CDH18: variants seen among roughly 807,000 people sequenced by gnomAD.
CDH18 encodes cadherin-18.
In CDH18, 31 loss-of-function variants were observed where a neutral mutation model predicts 67.9. The observed-to-expected ratio is 0.46, with a 90% CI of 0.34 to 0.62. The LOEUF (loss-of-function observed/expected upper bound fraction) is 0.62, where lower values mean the gene tolerates loss of function less well. CDH18 is among the 20% of genes least tolerant of loss of function. CDH18 has a pLI of 0.01. For synonymous variants in CDH18, 362 were observed against 347.2 expected, an observed-to-expected ratio of 1.04 and a Z score of -0.48; for missense variants, 890 against 975.5, an observed-to-expected ratio of 0.91 and a Z score of 1.17.
chr5:19,661,657 C>T (rs1431014303), intron 5 of CDH18, among the ~76,000 whole-genome samples: 1 of 151,974 alleles, frequency 6.6e-6, no homozygotes, highest in Non-Finnish European at 1.5e-5. Context: ...ATGACCTGTT[C>T]TTTCTCTTTT....
chr5:19,814,576 G>A (rs1469683583), intron 3 of CDH18, among the ~76,000 whole-genome samples: 3 of 151,876 alleles, frequency 2.0e-5, no homozygotes, highest in Non-Finnish European at 4.4e-5. Flanking sequence ...CCAGGAGGGC[G>A]TTAAAACTTT....
intron 2 of CDH18, among the ~76,000 whole-genome samples, chr5:20,195,450 G>C (rs924625817): frequency 6.6e-6 from 1 of 151,862 alleles, no homozygotes; most frequent in African/African-American, 2.4e-5. Flanking sequence ...GCCTAAAAAG[G>C]TCTCAGAAAC....
At chr5:20,288,219 C>T (rs1288303097) in intron 1 of CDH18, among the ~76,000 whole-genome samples, 1 of 151,730 alleles carries the variant, frequency 6.6e-6, no homozygotes, top group African/African-American at 2.4e-5. Flanking sequence ...TGCACTGCAT[C>T]TTCTCAGATG....
At chr5:20,044,800 T>A (rs1740768020) in intron 2 of CDH18, among the ~76,000 whole-genome samples, 1 of 152,202 alleles carries the variant, frequency 6.6e-6, no homozygotes, top group Non-Finnish European at 1.5e-5. Flanking sequence ...TTTCCTTCAC[T>A]TTCCTCTTTA....
intron 2 of CDH18, among the ~76,000 whole-genome samples, chr5:19,839,855 G>T (rs1782076133): frequency 1.3e-5 from 2 of 151,990 alleles, no homozygotes; most frequent in African/African-American, 4.8e-5. Flanking sequence ...TACATTACTA[G>T]GCTTGATTTC....
chr5:19,514,586 C>T (rs1745651782), intron 10 of CDH18, among the ~76,000 whole-genome samples: 1 of 152,210 alleles, frequency 6.6e-6, no homozygotes, highest in African/African-American at 2.4e-5. Flanking sequence ...TTGCATTTCT[C>T]TGATGACCAG....
intron 1 of CDH18, among the ~76,000 whole-genome samples, chr5:20,494,694 G>A (rs1299112809): frequency 6.6e-6 from 1 of 152,102 alleles, no homozygotes; most frequent in African/African-American, 2.4e-5. Flanking sequence ...TTCTGTCTAG[G>A]ATAAACCAGA....
At chr5:19,662,124 TA>T (rs1757264562) in intron 5 of CDH18, among the ~76,000 whole-genome samples, 1 of 143,470 alleles carries the variant, frequency 7.0e-6, no homozygotes, top group Non-Finnish European at 1.5e-5. Flanking sequence ...ATTTTTTTTT[TA>T]CATTTTTTAA....
chr5:20,273,124 A>T (rs1745559458), intron 1 of CDH18, among the ~76,000 whole-genome samples: 1 of 152,062 alleles, frequency 6.6e-6, no homozygotes, highest in African/African-American at 2.4e-5. Flanking sequence ...TGAGTCTTGT[A>T]ATTTTAAGGT....
intron 2 of CDH18, among the ~76,000 whole-genome samples, chr5:20,194,777 A>G (rs982342040): frequency 1.3e-5 from 2 of 151,990 alleles, no homozygotes; most frequent in Non-Finnish European, 2.9e-5. Context: ...TGGGTTGCTA[A>G]GGAGGGATTT....
intron 2 of CDH18, among the ~76,000 whole-genome samples, chr5:20,130,389 C>T (rs1053504482): frequency 9.1e-6 from 1 of 110,198 alleles, no homozygotes; most frequent in African/African-American, 3.0e-5. Context: ...AGGTAGAGTT[C>T]TCTCTTCCTT....
chr5:19,935,795 A>ACTCTCTCTCTCTCT (rs70954623), intron 2 of CDH18, among the ~76,000 whole-genome samples: 3 of 117,310 alleles, frequency 2.6e-5, no homozygotes, highest in Non-Finnish European at 3.7e-5. Context: ...ACAGTCAGGA[A>ACTCTCTCTCTCTCT]CTCTCTCTCT....
At chr5:20,005,625 CAT>C (rs751770797) in intron 2 of CDH18, among the ~76,000 whole-genome samples, 2 of 151,522 alleles carry the variant, frequency 1.3e-5, no homozygotes, top group African/African-American at 4.8e-5. Flanking sequence ...CATACACACA[CAT>C]ATATATATAA....
intron 5 of CDH18, among the ~76,000 whole-genome samples, chr5:19,703,592 G>A (rs1763554759): frequency 6.6e-6 from 1 of 151,970 alleles, no homozygotes; most frequent in Non-Finnish European, 1.5e-5. Flanking sequence ...AAAAGTAGTT[G>A]CCCCAGTGAC....
rs769957729 is a variant in CDH18 at position 19,472,902 on chromosome 5, A to T, written c.*324T>A. 7 of 199,622 alleles carry T rather than the reference A, an allele frequency of 3.5e-5. No individual in the cohort carries two copies. Among genetic ancestry groups the T allele is most frequent in the African/African-American group, 7.0e-5 (3 of 42,920 alleles). 12.4% of individuals were successfully genotyped at this position (199,622 alleles called of 1,614,324 possible). On this transcript the variant is annotated 3_prime_UTR_variant, in exon 13 of 13. Coordinates refer to ENST00000382275, the MANE Select transcript of CDH18 (RefSeq NM_004934.5). ...GTTTAGTTTTGCTTTTGAAAAAAATAAATCACAATATATTGAAACAAATAT... is the reference window on the plus strand; with the variant it reads ...GTTTAGTTTTGCTTTTGAAAAAAATTAATCACAATATATTGAAACAAATAT...
intron 9 of CDH18, among the ~76,000 whole-genome samples, chr5:19,542,744 C>T (rs989905420): frequency 9.2e-5 from 14 of 151,730 alleles, no homozygotes. Context: ...TTAATGGCTT[C>T]CTGAATTAAG....
chr5:20,280,893 C>A (rs1272402553), intron 1 of CDH18, among the ~76,000 whole-genome samples: 4 of 152,116 alleles, frequency 2.6e-5, no homozygotes, highest in African/African-American at 7.2e-5. Flanking sequence ...TTTAAATGAT[C>A]GCCATTCAAA....
intron 4 of CDH18, among the ~76,000 whole-genome samples, chr5:19,740,743 C>T (rs914482953): frequency 1.3e-5 from 2 of 152,110 alleles, no homozygotes; most frequent in Non-Finnish European, 2.9e-5. Context: ...CATTTCATCT[C>T]ATGGTCATTT....
chr5:20,517,283 G>C (rs941799410), intron 1 of CDH18, among the ~76,000 whole-genome samples: 4 of 151,370 alleles, frequency 2.6e-5, no homozygotes, highest in Non-Finnish European at 1.5e-5. Context: ...ATATATTTTT[G>C]TTTATTCAAG....
Sources: allele counts gnomAD v4.1 joint callset (sites outside exome capture counted in the v4.1 genomes callset), GRCh38; gene constraint gnomAD v4.1.1; transcripts MANE v1.5; gene names NCBI Gene and HGNC (gene_info 2026-07-23, HGNC 2026-07-21).